The following TMEM132B variants were observed in gnomAD, a reference collection of about 807,000 sequenced individuals.
The protein encoded by TMEM132B is transmembrane protein 132B.
A neutral mutation model predicts 90.8 loss-of-function variants in TMEM132B; 18 were observed. The observed-to-expected ratio is 0.20, with a 90% CI of 0.14 to 0.29. The LOEUF is 0.29. TMEM132B is among the 10% of genes least tolerant of loss of function. The pLI is 1.00. For missense variants in TMEM132B, 1,096 were observed against 1,326.8 expected (o/e 0.83, Z 2.70); for synonymous variants, 504 against 523.3 (o/e 0.96, Z 0.50).
intron 1 of TMEM132B, among the ~76,000 whole-genome samples, chr12:125,335,943 C>T (rs190728641): frequency 2.4e-4 from 36 of 152,202 alleles, no homozygotes; most frequent in East Asian, 7.7e-4. Flanking sequence ...GCCAAGATTG[C>T]GCCACTGCAC....
intron 3 of TMEM132B, 113 bp from the exon 4 acceptor site, chr12:125,519,326 C>G: frequency 8.8e-7 from 1 of 1,142,564 alleles, no homozygotes; most frequent in Non-Finnish European, 1.2e-6. Flanking sequence ...AGTTGTTGAA[C>G]TTGGCAGTCA....
At chr12:125,192,812 G>A (rs1872828888) in intron 1 of TMEM132B, among the ~76,000 whole-genome samples, 2 of 152,232 alleles carry the variant, frequency 1.3e-5, no homozygotes, top group Admixed American at 6.5e-5. Context: ...AGATGTCAGT[G>A]TCACAATCCA....
chr12:125,283,134 C>A (rs557828385), intron 1 of TMEM132B, among the ~76,000 whole-genome samples: 10 of 152,248 alleles, frequency 6.6e-5, no homozygotes, highest in Admixed American at 5.2e-4. Flanking sequence ...ACATGAGCCC[C>A]CTTTTACAAG....
intron 3 of TMEM132B, among the ~76,000 whole-genome samples, chr12:125,427,176 G>T (rs1021203410): frequency 6.6e-6 from 1 of 152,204 alleles, no homozygotes; most frequent in African/African-American, 2.4e-5. Flanking sequence ...GTATGGGAGG[G>T]TGCATCTGGA....
At chr12:125,575,057 C>CATATATATATACAT (rs1555259894) in intron 4 of TMEM132B, among the ~76,000 whole-genome samples, 1 of 43,862 alleles carries the variant, frequency 2.3e-5, no homozygotes, top group African/African-American at 5.7e-5. Context: ...TATTAGCTGT[C>CATATATATATACAT]ATATATATAT....
At chr12:125,320,120 A>C (rs1432188726) in intron 1 of TMEM132B, among the ~76,000 whole-genome samples, 1 of 152,114 alleles carries the variant, frequency 6.6e-6, no homozygotes, top group Non-Finnish European at 1.5e-5. Context: ...TGGGTCCTGC[A>C]CTGAGCTTTG....
intron 1 of TMEM132B, among the ~76,000 whole-genome samples, chr12:125,343,261 A>T (rs1877249763): frequency 6.6e-6 from 1 of 152,158 alleles, no homozygotes; most frequent in Non-Finnish European, 1.5e-5. Context: ...AAAGGTAGGG[A>T]TCACTGGCTG....
chr12:125,389,128 A>G (rs1878935004), intron 2 of TMEM132B, among the ~76,000 whole-genome samples: 1 of 152,196 alleles, frequency 6.6e-6, no homozygotes, highest in Non-Finnish European at 1.5e-5. Context: ...AGACAGATAA[A>G]AGTCCTCAGG....
intron 5 of TMEM132B, among the ~76,000 whole-genome samples, chr12:125,640,004 A>T (rs1886587840): frequency 6.6e-6 from 1 of 152,148 alleles, no homozygotes; most frequent in South Asian, 2.1e-4. Flanking sequence ...CGGGTTCCTT[A>T]GCTTCCGGGG....
chr12:125,468,800 C>T (rs554338230), intron 3 of TMEM132B, among the ~76,000 whole-genome samples: 10 of 152,260 alleles, frequency 6.6e-5, no homozygotes, highest in Admixed American at 6.5e-4. Context: ...TTTCTGCATA[C>T]AATCCTCTAA....
At chr12:125,212,508 C>A (rs961992826) in intron 1 of TMEM132B, among the ~76,000 whole-genome samples, 2 of 151,890 alleles carry the variant, frequency 1.3e-5, no homozygotes, top group Admixed American at 1.3e-4. Context: ...GCCTGGCCAG[C>A]GTGGTGAAAC....
At chr12:125,279,714 G>T (rs1875105877) in intron 1 of TMEM132B, among the ~76,000 whole-genome samples, 1 of 152,114 alleles carries the variant, frequency 6.6e-6, no homozygotes, top group Non-Finnish European at 1.5e-5. Context: ...ATAAGCCTTA[G>T]TCATAAGTCC....
chr12:125,612,159 C>G (rs572065349), intron 5 of TMEM132B, among the ~76,000 whole-genome samples: 27 of 152,118 alleles, frequency 1.8e-4, no homozygotes, highest in African/African-American at 5.8e-4. Context: ...AAAAAGGTCC[C>G]TTTTAATTTT....
At chr12:125,440,289 C>T (rs1331443415) in intron 3 of TMEM132B, among the ~76,000 whole-genome samples, 1 of 152,144 alleles carries the variant, frequency 6.6e-6, no homozygotes, top group Non-Finnish European at 1.5e-5. Context: ...ACACTCACAC[C>T]ATTTAATGTC....
rs57883275 is a variant in TMEM132B at position 125,459,375 on chromosome 12, G to A, written c.1106+43698G>A. Among the ~76,000 whole-genome samples, 141 of 152,280 alleles carry A rather than the reference G, an allele frequency of 9.3e-4. 4 individuals carry two copies. In the East Asian group the frequency reaches 0.025, roughly 27 times the overall value. Reference sequence around the variant, plus strand: ...CGAGGGCACGTTTTCTAAAACTACCGAGAGAACTGGAGATCATCATGCTAA... The same window carrying A: ...CGAGGGCACGTTTTCTAAAACTACCAAGAGAACTGGAGATCATCATGCTAA... On this transcript the variant is annotated intron_variant, in intron 3 of 8. Coordinates refer to ENST00000682704, the MANE Select transcript of TMEM132B (RefSeq NM_001366854.1). The surrounding 1 kb of genome is among the most constrained non-coding windows in gnomAD (Gnocchi z 4.1).
intron 4 of TMEM132B, among the ~76,000 whole-genome samples, chr12:125,557,486 T>C (rs1339076599): frequency 1.3e-5 from 2 of 152,222 alleles, no homozygotes; most frequent in African/African-American, 2.4e-5. Context: ...AATTATCTAA[T>C]CTATCTTATC....
chr12:125,301,269 C>CA (rs1341609682), intron 1 of TMEM132B: 1 of 152,286 alleles, frequency 6.6e-6, no homozygotes, highest in African/African-American at 2.4e-5. Context: ...GCTGAGTTGT[C>CA]AAAGGACACT....
At chr12:125,259,405 G>T (rs145728714) in intron 1 of TMEM132B, among the ~76,000 whole-genome samples, 77 of 152,260 alleles carry the variant, frequency 5.1e-4, no homozygotes, top group African/African-American at 1.7e-3. Flanking sequence ...TCCTTGAGTT[G>T]GATGTCTGTC....
chr12:125,381,415 C>A (rs1878676911), intron 2 of TMEM132B, among the ~76,000 whole-genome samples: 1 of 152,154 alleles, frequency 6.6e-6, no homozygotes, highest in African/African-American at 2.4e-5. Context: ...CACTGGGGTG[C>A]TCTCTTGGAA....
Sources: allele counts gnomAD v4.1 joint callset (sites outside exome capture counted in the v4.1 genomes callset), GRCh38; gene constraint gnomAD v4.1.1; non-coding constraint Gnocchi (gnomAD v3.1); transcripts MANE v1.5; gene names NCBI Gene and HGNC (gene_info 2026-07-23, HGNC 2026-07-21).